Variants in EPB41L4B observed in about 807,000 individuals in gnomAD.
EPB41L4B encodes band 4.1-like protein 4B.
A neutral mutation model predicts 112.5 loss-of-function variants in EPB41L4B; 30 were observed. The observed-to-expected ratio is 0.27, with a 90% CI of 0.20 to 0.36. The LOEUF is 0.36. Ranked by LOEUF, EPB41L4B falls within the 10% of genes least tolerant of loss-of-function variation. The probability of loss-of-function intolerance (pLI) is 1.00; values close to 1 mark genes in which losing one functional copy is unlikely to be tolerated. For synonymous variants in EPB41L4B, 408 were observed against 439.7 expected (o/e 0.93, Z 0.90); for missense variants, 1,024 against 1,133.3 (o/e 0.90, Z 1.38).
chr9:109,256,555 T>C (rs1320721616), intron 7 of EPB41L4B, 75 bp from the exon 8 acceptor site: 2 of 1,226,052 alleles, frequency 1.6e-6, no homozygotes, highest in African/African-American at 3.0e-5. Flanking sequence ...ACGGCCTTAC[T>C]ATGGAACGTT....
chr9:109,219,447 G>A (rs925297963), intron 15 of EPB41L4B, among the ~76,000 whole-genome samples: 4 of 152,096 alleles, frequency 2.6e-5, no homozygotes, highest in Non-Finnish European at 4.4e-5. Flanking sequence ...TGCAAACTCC[G>A]CCTCCCGGGT....
chr9:109,267,947 A>C (rs1466450068), intron 3 of EPB41L4B, among the ~76,000 whole-genome samples: 1 of 152,244 alleles, frequency 6.6e-6, no homozygotes, highest in African/African-American at 2.4e-5. Context: ...TTTTAAGAGA[A>C]TATGAATTTT....
At chr9:109,279,440 C>A (rs1835952472) in intron 2 of EPB41L4B, among the ~76,000 whole-genome samples, 1 of 152,152 alleles carries the variant, frequency 6.6e-6, no homozygotes, top group South Asian at 2.1e-4. Context: ...TGGTTTTGAA[C>A]TCCTGGACTC....
intron 1 of EPB41L4B, among the ~76,000 whole-genome samples, chr9:109,287,225 C>T (rs184390712): frequency 6.6e-6 from 1 of 152,142 alleles, no homozygotes; most frequent in African/African-American, 2.4e-5. Flanking sequence ...TTCACTGGTT[C>T]CTAGCTGTGC....
rs186722235 is a variant in EPB41L4B, at chr9:109,200,274, C to A, written c.2007G>T (p.Lys669Asn). The change falls in exon 20 of 26, where the codon AAG (lysine) becomes AAT (asparagine). Residue 669 changes from lysine (K) to asparagine (N), a missense_variant. Transcript: ENST00000374566. ...TTGTTAACTTCCTCACTCGGGGAGG[C>A]TTGATTTCCGGCTTTTCCACAGCTG... is the stretch of plus-strand genomic sequence containing the variant. ...AQPAVEKPEI[K>N]PPRVRKLTRQ... 31 of 1,614,142 alleles carry A rather than the reference C, an allele frequency of 1.9e-5. No homozygotes were observed. The East Asian group carries it at 6.9e-4, about 36-fold the overall frequency.
At chr9:109,187,615 G>A (rs1409836885) in intron 22 of EPB41L4B, among the ~76,000 whole-genome samples, 1 of 152,136 alleles carries the variant, frequency 6.6e-6, no homozygotes, top group African/African-American at 2.4e-5. Context: ...CTGCCCCAGG[G>A]CATCCATACT....
chr9:109,279,323 C>A (rs1835949388), intron 2 of EPB41L4B, among the ~76,000 whole-genome samples: 1 of 151,864 alleles, frequency 6.6e-6, no homozygotes, highest in Admixed American at 6.6e-5. Context: ...TTCAATCAAT[C>A]CTCCTACCTC....
chr9:109,250,836 A>G (rs1314476845), intron 13 of EPB41L4B, among the ~76,000 whole-genome samples: 1 of 152,208 alleles, frequency 6.6e-6, no homozygotes, highest in South Asian at 2.1e-4. Flanking sequence ...ACTGATATTT[A>G]TAAGTAAAGT....
Position 109,218,561 on chromosome 9 carries a change from G to A in EPB41L4B, c.1410-1416C>T, listed in dbSNP as rs941519985. On this transcript the variant is annotated intron_variant, in intron 15 of 25. Coordinates refer to ENST00000374566, the MANE Select transcript of EPB41L4B (RefSeq NM_019114.5). Reference sequence around the variant, plus strand: ...CCTCTAGAGCCTCTCCATGGACCCAGGTGAAGAGCCCTGGCTTGAAGGATA... The same window carrying A: ...CCTCTAGAGCCTCTCCATGGACCCAAGTGAAGAGCCCTGGCTTGAAGGATA... Among the ~76,000 whole-genome samples, 55 of 152,102 alleles carry A rather than the reference G, an allele frequency of 3.6e-4. 1 individual carries two copies. The highest frequency in any genetic ancestry group is 4.1e-4 in the South Asian group (2 of 4,828).
intron 15 of EPB41L4B, among the ~76,000 whole-genome samples, chr9:109,230,367 T>C (rs545758532): frequency 1.3e-5 from 2 of 152,312 alleles, no homozygotes; most frequent in South Asian, 4.1e-4. Flanking sequence ...GGAACATGCA[T>C]TGGTACTTAG....
At chr9:109,259,326 C>T (rs962531373) in intron 6 of EPB41L4B, among the ~76,000 whole-genome samples, 2 of 152,198 alleles carry the variant, frequency 1.3e-5, no homozygotes, top group Non-Finnish European at 2.9e-5. Context: ...GGTTAAAATG[C>T]ACATCACTGG....
At chr9:109,314,594 C>T (rs527968247) in intron 1 of EPB41L4B, among the ~76,000 whole-genome samples, 3 of 151,604 alleles carry the variant, frequency 2.0e-5, no homozygotes, top group East Asian at 1.9e-4. Context: ...GCTTGTATCA[C>T]GACACCCCCT....
At chr9:109,280,254 T>C (rs1048809472) in intron 1 of EPB41L4B, among the ~76,000 whole-genome samples, 2 of 152,230 alleles carry the variant, frequency 1.3e-5, no homozygotes, top group Non-Finnish European at 2.9e-5. Context: ...TAACAGGGCC[T>C]TACTCTAGCG....
At position 109,241,003 on chromosome 9, in the gene EPB41L4B, T is replaced by C. The variant is rs1027441440; in HGVS notation, c.1409+2615A>G. On this transcript the variant is annotated intron_variant, in intron 15 of 25. Coordinates refer to ENST00000374566, the MANE Select transcript of EPB41L4B (RefSeq NM_019114.5). ...ATGTGAAATTCAAAGTCCCCCTGTA[T>C]CTATATAACATCTAATAAGTTATAT... is the stretch of plus-strand genomic sequence containing the variant. 6 of 985,196 alleles carry C rather than the reference T, an allele frequency of 6.1e-6. No homozygotes were observed. In the African/African-American group the frequency reaches 1.0e-4, roughly 17 times the overall value. The allele number at this position is 985,196 out of a possible 1,614,324, so 61.0% of individuals were successfully genotyped here.
chr9:109,188,356 G>A (rs560557098), intron 22 of EPB41L4B, among the ~76,000 whole-genome samples: 1 of 152,220 alleles, frequency 6.6e-6, no homozygotes, highest in East Asian at 1.9e-4. Flanking sequence ...AACCCCCTCA[G>A]GTAGAGCTGA....
At chr9:109,192,895 G>C (rs887057504) in intron 21 of EPB41L4B, among the ~76,000 whole-genome samples, 20 of 152,304 alleles carry the variant, frequency 1.3e-4, no homozygotes, top group Admixed American at 1.3e-3. Flanking sequence ...CATCAACGTG[G>C]TTCAAGCAAG....
rs1222902668 is a variant in EPB41L4B at position 109,239,911 on chromosome 9, C to CT, written c.1409+3706dup. 11 of 985,364 alleles carry CT rather than the reference C, an allele frequency of 1.1e-5. No homozygotes were observed. The Admixed American group carries it at 3.7e-4, about 33-fold the overall frequency. 61.0% of individuals were successfully genotyped at this position (985,364 alleles called of 1,614,324 possible). A position where few individuals can be genotyped will look rare whatever the true frequency, so the allele number is the denominator to read the frequency against. On this transcript the variant is annotated intron_variant, in intron 15 of 25. Coordinates refer to ENST00000374566, the MANE Select transcript of EPB41L4B (RefSeq NM_019114.5). ...GCCACCACTTCTCTCTACTCAGCACCTGTGACAGGCAGGACAACCTTCACC... is the reference window on the plus strand; with the variant it reads ...GCCACCACTTCTCTCTACTCAGCACCTTGTGACAGGCAGGACAACCTTCACC...
chr9:109,274,053 A>G (rs1211529734), intron 2 of EPB41L4B, among the ~76,000 whole-genome samples: 1 of 152,144 alleles, frequency 6.6e-6, no homozygotes, highest in African/African-American at 2.4e-5. Context: ...ATATCTATGT[A>G]CCAACCTCAC....
intron 15 of EPB41L4B, among the ~76,000 whole-genome samples, chr9:109,222,563 G>A (rs967392789): frequency 1.3e-5 from 2 of 152,326 alleles, no homozygotes; most frequent in Admixed American, 1.3e-4. Context: ...CAGAGACCTT[G>A]GCTAAGGCCC....
Sources: gnomAD v4.1 joint callset for allele counts (sites outside exome capture counted in the v4.1 genomes callset) on GRCh38, gnomAD v4.1.1 for gene constraint, MANE v1.5 for transcripts, NCBI Gene and HGNC (gene_info 2026-07-23, HGNC 2026-07-21) for gene names.